The following KRT3 variants were observed in gnomAD, a reference collection of about 807,000 sequenced individuals.
The protein encoded by KRT3 is keratin, type II cytoskeletal 3.
KRT3 carries 34 observed loss-of-function variants against 45.8 expected under a neutral mutation model. That is an observed-to-expected ratio of 0.74 (90% CI 0.57 to 0.99). The LOEUF (loss-of-function observed/expected upper bound fraction) is 0.99, where lower values mean the gene tolerates loss of function less well. KRT3 is among the 50% of genes least tolerant of loss of function. KRT3 has a pLI of 0.00. For missense variants in KRT3, 828 were observed against 820.6 expected, an observed-to-expected ratio of 1.01 and a Z score of -0.11; for synonymous variants, 367 against 329.0, an observed-to-expected ratio of 1.12 and a Z score of -1.25.
In KRT3 at chr12:52,793,184, AT is replaced by A; in HGVS notation, c.905del (p.Asn302MetfsTer4). The A allele has an allele frequency of 6.2e-7, 1 of 1,611,498 alleles. No individual in the cohort carries two copies. The highest frequency in any genetic ancestry group is 8.5e-7 in the Non-Finnish European group (1 of 1,178,676). The part of the protein sequence containing the change: ...DEINKRTAAE[N>X]EFVTLKKDVD... ...TTACCTTCTTCAGAGTCACAAATTC[AT>A]TCTCAGCAGCTGTACGTTTATTGAT... On this transcript the variant is annotated frameshift_variant, in exon 3 of 9. Coordinates refer to ENST00000417996, the MANE Select transcript of KRT3 (RefSeq NM_057088.3). LOFTEE classifies it high-confidence loss of function.
intron 1 of KRT3, 38 bp from the exon 2 acceptor site, chr12:52,794,369 G>A (rs1455050604): frequency 2.0e-6 from 3 of 1,523,274 alleles, no homozygotes; most frequent in East Asian, 2.2e-5. Flanking sequence ...GGCAACACTT[G>A]TAGCAGAGGA....
chr12:52,795,551 C>A lies in KRT3; in HGVS notation c.492G>T (p.Gly164=). The A allele has an allele frequency of 6.2e-7, 1 of 1,613,408 alleles. No homozygotes were observed. The highest frequency in any genetic ancestry group is 8.5e-7 in the Non-Finnish European group (1 of 1,179,660). Residue 164 remains glycine, a synonymous_variant, in exon 1 of 9, where the codon GGG becomes GGT. Transcript: ENST00000417996. ...CTTCCTGAATTCCCCCAGGAAAGCC[C>A]CCAGGGCCAAAGCCACCAGGACTGC... The part of the protein sequence containing the change: ...SLGSPGGFGP[G]GFPGGIQEVT...
intron 5 of KRT3, 125 bp from the exon 6 acceptor site, chr12:52,791,941 T>G (rs1331464085): frequency 9.0e-7 from 1 of 1,117,164 alleles, no homozygotes; most frequent in African/African-American, 1.6e-5. Context: ...TACTGCATTG[T>G]GTTTCAGCAG....
intron 3 of KRT3, among the ~76,000 whole-genome samples, 168 bp from the exon 4 acceptor site, chr12:52,792,974 C>T (rs1331689599): frequency 2.0e-5 from 3 of 152,138 alleles, no homozygotes; most frequent in Non-Finnish European, 4.4e-5. Flanking sequence ...AAGTTTAATC[C>T]TACTAAAAAA....
Position 52,791,342 on chromosome 12 carries a change from G to T in KRT3, c.1399C>A (p.Leu467Met). The T allele has an allele frequency of 3.7e-6, 6 of 1,614,236 alleles. No homozygotes were observed. Among genetic ancestry groups the T allele is most frequent in the Non-Finnish European group, 5.1e-6 (6 of 1,180,042 alleles). The change falls in exon 7 of 9, where the codon CTG becomes ATG. Residue 467 changes from leucine (L) to methionine (M), a missense_variant. By Grantham distance (15) the Leu-to-Met change is conservative (BLOSUM62 2). Coordinates refer to ENST00000417996, the MANE Select transcript of KRT3 (RefSeq NM_057088.3). ...LKDANAKLQE[L>M]QAALQQAKDD... ...TTCGCCTGCTGTAGAGCAGCCTGCAGCTCTTGGAGCTTGGCATTGGCATCC... is the reference window on the plus strand; with the variant it reads ...TTCGCCTGCTGTAGAGCAGCCTGCATCTCTTGGAGCTTGGCATTGGCATCC...
intron 3 of KRT3, among the ~76,000 whole-genome samples, 157 bp downstream of exon 3, chr12:52,793,006 C>A (rs532986761): frequency 6.6e-6 from 1 of 152,044 alleles, no homozygotes; most frequent in East Asian, 1.9e-4. Flanking sequence ...TGAACTAACT[C>A]TTTTAGGGAT....
In KRT3 at chr12:52,790,327, G is replaced by A. The variant is rs1474042268; in HGVS notation, c.1602C>T (p.Ser534=). The A allele has an allele frequency of 2.5e-6, 4 of 1,592,860 alleles. No homozygotes were observed. Among genetic ancestry groups the A allele is most frequent in the South Asian group, 1.1e-5 (1 of 87,318 alleles). Residue 534 remains serine, a synonymous_variant, in exon 9 of 9, where the codon TCC becomes TCT. Transcript: ENST00000417996. Reference sequence around the variant, plus strand: ...CGTAACCTCCTCCATAGCCACCTGCGGAGGCGGAAGTCGTGCTGCTGCTGA... The same window carrying A: ...CGTAACCTCCTCCATAGCCACCTGCAGAGGCGGAAGTCGTGCTGCTGCTGA... The part of the protein sequence containing the change: ...SVVSSSTTSA[S]AGGYGGGYGG...
Position 52,795,782 on chromosome 12 carries a change from A to T in KRT3, c.261T>A (p.Cys87Ter). The change falls in exon 1 of 9, where the codon TGT becomes TGA. Residue 87 changes from cysteine (C) to a stop codon, truncating the protein, a stop_gained. Transcript: ENST00000417996. LOFTEE classifies it high-confidence loss of function. ...CACCTCCATAGCCACCTGCAAAGGC[A>T]CAGCTGCTCCGCCCTCCCCCAAAGC... ...AGGFGGGRSS[C>*]AFAGGYGGGF... The T allele has an allele frequency of 6.2e-7, 1 of 1,613,954 alleles. No individual in the cohort carries two copies. Among genetic ancestry groups the T allele is most frequent in the Admixed American group, 1.7e-5 (1 of 60,006 alleles).
chr12:52,793,600 GT>G (rs911136490), intron 2 of KRT3, among the ~76,000 whole-genome samples: 22 of 147,338 alleles, frequency 1.5e-4, no homozygotes, highest in African/African-American at 1.7e-4. Context: ...TTTTGTTTTT[GT>G]TTTTTTTTTA....
In KRT3 at chr12:52,789,983, T is replaced by C; in HGVS notation, c.*59A>G. The C allele has an allele frequency of 6.7e-7, 1 of 1,493,754 alleles. No homozygotes were observed. Among genetic ancestry groups the C allele is most frequent in the South Asian group, 1.2e-5 (1 of 83,200 alleles). The allele number at this position is 1,493,754 out of a possible 1,614,324, so 92.5% of individuals were successfully genotyped here. On this transcript the variant is annotated 3_prime_UTR_variant, in exon 9 of 9. Coordinates refer to ENST00000417996, the MANE Select transcript of KRT3 (RefSeq NM_057088.3). Reference sequence around the variant, plus strand: ...GGTGGCGCTGGGGGTGTTGCCAATATGGGGGCGTGGGGAGCGGAGGGGAGG... The same window carrying C: ...GGTGGCGCTGGGGGTGTTGCCAATACGGGGGCGTGGGGAGCGGAGGGGAGG...
rs761793034 is a variant in KRT3, at chr12:52,795,469, C to A, written c.574G>T (p.Gly192Trp). 13 of 1,614,140 alleles carry A rather than the reference C, an allele frequency of 8.1e-6. No individual in the cohort carries two copies. The Admixed American group carries it at 2.2e-4, about 27-fold the overall frequency. The change falls in exon 1 of 9, where the codon GGG (glycine) becomes TGG (tryptophan). Residue 192 changes from glycine (G) to tryptophan (W), a missense_variant. Coordinates refer to ENST00000417996, the MANE Select transcript of KRT3 (RefSeq NM_057088.3). ...TCCCGCTCCTGGGCCTTTACTTGCC[C>A]AATCTGGGGGTCGATCTCCACATTG... is the stretch of plus-strand genomic sequence containing the variant. ...PLNVEIDPQI[G>W]QVKAQEREQI...
intron 8 of KRT3, 30 bp downstream of exon 8, chr12:52,790,808 C>T: frequency 6.4e-7 from 1 of 1,554,760 alleles, no homozygotes; most frequent in African/African-American, 1.4e-5. Flanking sequence ...AGAATTAACT[C>T]TCATTTTCTT....
chr12:52,794,351 C>G lies in KRT3; in HGVS notation c.646-20G>C. 6.4e-7 allele frequency: 1 copy of G among 1,568,866 alleles called. No homozygotes were observed. The highest frequency in any genetic ancestry group is 1.1e-5 in the South Asian group (1 of 90,090). On this transcript the variant is annotated intron_variant, in intron 1 of 8. Transcript: ENST00000417996. ...CCGCACCTGCAATGGTTGCAGGAAG[C>G]AACATCAGGCAACACTTGTAGCAGA...
At position 52,795,854 on chromosome 12, in the gene KRT3, G is replaced by C; in HGVS notation, c.189C>G (p.Asn63Lys). ...CTGCCACGCTGATGGAGATGCTCTT[G>C]TTGCCGCCCAGGTTGTAGAGGCTGC... Reference protein sequence around the residue: ...GSRSLYNLGGNKSISISVAAG... With the variant: ...GSRSLYNLGGKKSISISVAAG... Residue 63 changes from asparagine (N) to lysine (K), a missense_variant, in exon 1 of 9, where the codon AAC (asparagine) becomes AAG (lysine). Coordinates refer to ENST00000417996, the MANE Select transcript of KRT3 (RefSeq NM_057088.3). 6.2e-7 allele frequency: 1 copy of C among 1,614,178 alleles called. No individual in the cohort carries two copies. Among genetic ancestry groups the C allele is most frequent in the Non-Finnish European group, 8.5e-7 (1 of 1,180,022 alleles).
chr12:52,795,671 G>A lies in KRT3; in HGVS notation c.372C>T (p.Gly124=), dbSNP rs1382093860. 2 of 1,605,844 alleles carry A rather than the reference G, an allele frequency of 1.2e-6. No homozygotes were observed. The highest frequency in any genetic ancestry group is 1.7e-6 in the Non-Finnish European group (2 of 1,177,340). ...CTCCAAAGCCACCAGCCCCTCCAAA[G>A]CCACCAGCTCCACCAAAGCCACCTC... ...GMGGGFGGAG[G]FGGAGGFGGA... is the part of the protein sequence containing the mutation. Residue 124 remains glycine, a synonymous_variant, in exon 1 of 9, where the codon GGC becomes GGT. Transcript: ENST00000417996.
chr12:52,793,318 C>G (rs1939569456), intron 2 of KRT3, 95 bp from the exon 3 acceptor site: 1 of 814,770 alleles, frequency 1.2e-6, no homozygotes. Context: ...TCTTCCCTCC[C>G]TCCATCCCTA....
At chr12:52,791,133 A>C (rs1387135691) in intron 7 of KRT3, 73 bp downstream of exon 7, 1 of 1,605,264 alleles carries the variant, frequency 6.2e-7, no homozygotes, top group Non-Finnish European at 8.5e-7. Flanking sequence ...ATCCCCAGTT[A>C]CTTGGTCACT....
Position 52,792,731 on chromosome 12 carries a change from A to T in KRT3, c.1003T>A (p.Leu335Ile), listed in dbSNP as rs1939551428. Residue 335 changes from leucine (L) to isoleucine (I), a missense_variant, in exon 4 of 9, where the codon TTA becomes ATA. Coordinates refer to ENST00000417996, the MANE Select transcript of KRT3 (RefSeq NM_057088.3). ...CTTACAGCGTCGTAGAGGGTCCTTA[A>T]GAAGTCGATCTCATCTATCAAGGCA... is the stretch of plus-strand genomic sequence containing the variant. ...VDALIDEIDF[L>I]RTLYDAELSQ... 6.2e-7 allele frequency: 1 copy of T among 1,612,290 alleles called. No homozygotes were observed. The highest frequency in any genetic ancestry group is 8.5e-7 in the Non-Finnish European group (1 of 1,178,496).
chr12:52,790,501 G>A (rs1391144164), intron 8 of KRT3, 143 bp from the exon 9 acceptor site: 3 of 794,290 alleles, frequency 3.8e-6, no homozygotes, highest in African/African-American at 1.7e-5. Flanking sequence ...GCCGTTCCAA[G>A]GCCACTAGCT....
Sources: gnomAD v4.1 joint callset for allele counts (sites outside exome capture counted in the v4.1 genomes callset) on GRCh38, gnomAD v4.1.1 for gene constraint, MANE v1.5 for transcripts, NCBI Gene and HGNC (gene_info 2026-07-23, HGNC 2026-07-21) for gene names.